MBD4: variants seen among roughly 807,000 people sequenced by gnomAD.
MBD4 encodes methyl-CpG-binding domain protein 4.
MBD4 carries 53 observed loss-of-function variants against 60.2 expected under a neutral mutation model. That is an observed-to-expected ratio of 0.88 (90% CI 0.71 to 1.11). The LOEUF is 1.11. Ranked by LOEUF, MBD4 falls within the 50% of genes least tolerant of loss-of-function variation. The pLI, the probability that MBD4 is intolerant of heterozygous loss-of-function variation, is 0.00. For missense variants in MBD4, 619 were observed against 674.0 expected, an observed-to-expected ratio of 0.92 and a Z score of 0.90; for synonymous variants, 231 against 229.8, an observed-to-expected ratio of 1.01 and a Z score of -0.05.
rs1248214588 is a variant in MBD4, at chr3:129,431,589, C to T, written c.1648-11G>A. On this transcript the variant is annotated splice_polypyrimidine_tract_variant and intron_variant, in intron 7 of 7. Coordinates refer to ENST00000429544, the MANE Select transcript of MBD4 (RefSeq NM_001276270.2). ...GTCTTCAGGGTGCACCTGGAAGAAA[C>T]ATAAGATACAGAGGCAGAGACCTTA... 6 of 1,585,606 alleles carry T rather than the reference C, an allele frequency of 3.8e-6. No individual in the cohort carries two copies. The highest frequency in any genetic ancestry group is 5.2e-6 in the Non-Finnish European group (6 of 1,156,418).
In MBD4 at chr3:129,436,758, A is replaced by G. The variant is rs1206774843; in HGVS notation, c.886T>C (p.Cys296Arg). The stretch of plus-strand genomic sequence containing the variant: ...CTGGTCACACTGAGGGTCTCACCAC[A>G]TGCTCCAGCATCAGAAATGCAGACA... ...RTVCISDAGACGETLSVTSEE... is the reference protein window; with the variant it reads ...RTVCISDAGARGETLSVTSEE... The change falls in exon 3 of 8, where the codon TGT (cysteine) becomes CGT (arginine). Residue 296 changes from cysteine to arginine, a missense_variant. By Grantham distance (180) the Cys-to-Arg change is radical. Transcript: ENST00000429544. 12 of 1,614,060 alleles carry G rather than the reference A, an allele frequency of 7.4e-6. No individual in the cohort carries two copies. Among genetic ancestry groups the G allele is most frequent in the Non-Finnish European group, 1.0e-5 (12 of 1,180,004 alleles).
At chr3:129,433,526 A>T in intron 5 of MBD4, 1 of 586,932 alleles carries the variant, frequency 1.7e-6, no homozygotes, top group South Asian at 2.0e-5. Flanking sequence ...TGAGAGTAGA[A>T]GCATATAGAA....
chr3:129,436,522 G>T lies in MBD4; in HGVS notation c.1122C>A (p.Asp374Glu). Residue 374 changes from aspartate (D) to glutamate (E), a missense_variant, in exon 3 of 8, where the codon GAC (aspartate) becomes GAA (glutamate). By Grantham distance (45) the Asp-to-Glu change is conservative. Coordinates refer to ENST00000429544, the MANE Select transcript of MBD4 (RefSeq NM_001276270.2). ...VVERKEHLHT[D>E]ILKRGSEMDN... ...CCATTTCAGAGCCACGTTTTAAAAT[G>T]TCAGTATGCAAATGTTCTTTCCTTT... 6.2e-7 allele frequency: 1 copy of T among 1,614,070 alleles called. No individual in the cohort carries two copies. Among genetic ancestry groups the T allele is most frequent in the Non-Finnish European group, 8.5e-7 (1 of 1,179,956 alleles).
At position 129,433,970 on chromosome 3, in the gene MBD4, G is replaced by A. The variant is rs1242455927; in HGVS notation, c.1273C>T (p.Arg425Ter). 28 of 1,614,048 alleles carry A rather than the reference G, an allele frequency of 1.7e-5. No homozygotes were observed. Among genetic ancestry groups the A allele is most frequent in the Middle Eastern group, 1.6e-4 (1 of 6,084 alleles). ...KYNKEALSPP[R>*]RKAFKKWTPP... ...GTCCATTTCTTAAAGGCTTTACGTC[G>A]TGGGGGGCTAAGAGCTAAACAAACA... Residue 425 changes from arginine (R) to a stop codon, truncating the protein, a stop_gained, in exon 5 of 8, where the codon CGA becomes TGA. Coordinates refer to ENST00000429544, the MANE Select transcript of MBD4 (RefSeq NM_001276270.2). LOFTEE classifies it high-confidence loss of function.
rs1323605262 is a variant in MBD4 at position 129,431,337 on chromosome 3, A to G, written c.*164T>C. ...CAAAACATGTTCAAACACATTCAGT[A>G]GCAAAGATCCACCATTGGCACACAC... On this transcript the variant is annotated 3_prime_UTR_variant, in exon 8 of 8. Transcript: ENST00000429544. The G allele has an allele frequency of 1.5e-6, 1 of 659,180 alleles. No individual in the cohort carries two copies. Among genetic ancestry groups the G allele is most frequent in the Non-Finnish European group, 2.7e-6 (1 of 367,696 alleles). The allele number at this position is 659,180 out of a possible 1,614,324, so 40.8% of individuals were successfully genotyped here. A position where few individuals can be genotyped will look rare whatever the true frequency, so the allele number is the denominator to read the frequency against.
intron 3 of MBD4, among the ~76,000 whole-genome samples, 171 bp downstream of exon 3, chr3:129,436,290 A>G (rs2072458995): frequency 6.6e-6 from 1 of 152,220 alleles, no homozygotes. Flanking sequence ...TATCAGTTTA[A>G]GATAAAGTAT....
At chr3:129,432,026 A>C (rs961305258) in intron 7 of MBD4, 11 of 556,046 alleles carry the variant, frequency 2.0e-5, no homozygotes, top group African/African-American at 2.0e-4. Context: ...ATACCAGGCC[A>C]CCCACCAGCT....
chr3:129,432,474 G>C, intron 7 of MBD4, 29 bp downstream of exon 7: 2 of 1,614,156 alleles, frequency 1.2e-6, no homozygotes, highest in Non-Finnish European at 1.7e-6. Context: ...GACCAAATGT[G>C]CTGAATTATG....
chr3:129,433,524 G>T, intron 5 of MBD4: 1 of 586,370 alleles, frequency 1.7e-6, no homozygotes, highest in Non-Finnish European at 3.0e-6. Context: ...AATGAGAGTA[G>T]AAGCATATAG....
chr3:129,435,857 AAAT>A (rs1275571942), intron 3 of MBD4, among the ~76,000 whole-genome samples: 1 of 152,246 alleles, frequency 6.6e-6, no homozygotes, highest in Non-Finnish European at 1.5e-5. Context: ...AGCATATTAC[AAAT>A]AATAGATGAA....
At chr3:129,432,708 G>T in intron 6 of MBD4, 102 bp from the exon 7 acceptor site, 2 of 1,114,486 alleles carry the variant, frequency 1.8e-6, no homozygotes, top group Non-Finnish European at 2.7e-6. Flanking sequence ...GAAAGGGACA[G>T]GAAAGGCTCT....
intron 4 of MBD4, 36 bp from the exon 5 acceptor site, chr3:129,434,020 A>G (rs768605674): frequency 6.2e-7 from 1 of 1,614,144 alleles, no homozygotes; most frequent in South Asian, 1.1e-5. Flanking sequence ...TGAAAACCCA[A>G]AATGGAATTA....
chr3:129,434,288 C>A, intron 3 of MBD4, 152 bp from the exon 4 acceptor site: 1 of 695,564 alleles, frequency 1.4e-6, no homozygotes, highest in South Asian at 1.6e-5. Flanking sequence ...AACTAATGAC[C>A]CATGAACTTG....
Position 129,433,990 on chromosome 3 carries a change from C to A in MBD4, c.1259-6G>T. ...ACGTCGTGGGGGGCTAAGAGCTAAA[C>A]AAACATAGTGCATCAGAATTGAAAA... On this transcript the variant is annotated splice_region_variant and splice_polypyrimidine_tract_variant and intron_variant, in intron 4 of 7. Transcript: ENST00000429544. 6.2e-7 allele frequency: 1 copy of A among 1,614,074 alleles called. No homozygotes were observed. Among genetic ancestry groups the A allele is most frequent in the Admixed American group, 1.7e-5 (1 of 60,016 alleles).
At chr3:129,432,899 C>T (rs551140647) in intron 6 of MBD4, among the ~76,000 whole-genome samples, 199 bp downstream of exon 6, 19 of 152,308 alleles carry the variant, frequency 1.2e-4, no homozygotes, top group African/African-American at 4.1e-4. Context: ...ACATGCCTGA[C>T]CCAGTGCTGG....
Position 129,439,782 on chromosome 3 carries a change from G to A in MBD4, c.52C>T (p.Pro18Ser). The change falls in exon 1 of 8, where the codon CCC becomes TCC. Residue 18 changes from proline to serine, a missense_variant. Coordinates refer to ENST00000429544, the MANE Select transcript of MBD4 (RefSeq NM_001276270.2). The part of the protein sequence containing the change: ...SLSLGDRGAA[P>S]TVTSSERLVP... ...AGGCGCTCACTAGAGGTGACGGTGG[G>A]GGCAGCTCCGCGGTCCCCCAGACTC... 6.2e-7 allele frequency: 1 copy of A among 1,609,368 alleles called. No homozygotes were observed. Among genetic ancestry groups the A allele is most frequent in the Non-Finnish European group, 8.5e-7 (1 of 1,178,490 alleles).
chr3:129,436,484 G>A lies in MBD4; in HGVS notation c.1160C>T (p.Ser387Leu), dbSNP rs200169155. ...KRGSEMDNNC[S>L]PTRKDFTEDT... ...ACCAGTGAAGTCTTTCCTGGTTGGTGAGCAGTTGTTGTCCATTTCAGAGCC... is the reference window on the plus strand; with the variant it reads ...ACCAGTGAAGTCTTTCCTGGTTGGTAAGCAGTTGTTGTCCATTTCAGAGCC... The change falls in exon 3 of 8, where the codon TCA (serine) becomes TTA (leucine). Residue 387 changes from serine (S) to leucine (L), a missense_variant. Coordinates refer to ENST00000429544, the MANE Select transcript of MBD4 (RefSeq NM_001276270.2). 8.2e-5 allele frequency: 132 copies of A among 1,614,068 alleles called. No individual in the cohort carries two copies. The highest frequency in any genetic ancestry group is 8.1e-5 in the Non-Finnish European group (95 of 1,179,974).
chr3:129,436,434 A>C lies in MBD4; in HGVS notation c.1183+27T>G, dbSNP rs1008570661. The C allele has an allele frequency of 3.7e-6, 6 of 1,613,340 alleles. No individual in the cohort carries two copies. Among genetic ancestry groups the C allele is most frequent in the Middle Eastern group, 3.3e-4 (2 of 6,060 alleles). ...ATAATGTTTAATAGTGCTTGAAAGC[A>C]CTGGATACCTTGAAATATTTTCTCA... On this transcript the variant is annotated intron_variant, in intron 3 of 7. Transcript: ENST00000429544.
At position 129,433,976 on chromosome 3, in the gene MBD4, G is replaced by A. The variant is rs765916875; in HGVS notation, c.1267C>T (p.Pro423Ser). 6.2e-7 allele frequency: 1 copy of A among 1,614,166 alleles called. No homozygotes were observed. The highest frequency in any genetic ancestry group is 8.5e-7 in the Non-Finnish European group (1 of 1,180,014). Residue 423 changes from proline (P) to serine (S), a missense_variant, in exon 5 of 8, where the codon CCC (proline) becomes TCC (serine). By Grantham distance (74) the Pro-to-Ser change is moderately conservative. Transcript: ENST00000429544. ...SSKYNKEALS[P>S]PRRKAFKKWT... ...TTCTTAAAGGCTTTACGTCGTGGGGGGCTAAGAGCTAAACAAACATAGTGC... is the reference window on the plus strand; with the variant it reads ...TTCTTAAAGGCTTTACGTCGTGGGGAGCTAAGAGCTAAACAAACATAGTGC...
Sources: gnomAD v4.1 joint callset for allele counts (sites outside exome capture counted in the v4.1 genomes callset) on GRCh38, gnomAD v4.1.1 for gene constraint, MANE v1.5 for transcripts, NCBI Gene and HGNC (gene_info 2026-07-23, HGNC 2026-07-21) for gene names.